The following CCDC30 variants were observed in gnomAD, a reference collection of about 807,000 sequenced individuals.
The protein encoded by CCDC30 is coiled-coil domain containing 30, also known as coiled-coil domain-containing protein 30.
CCDC30 carries 70 observed loss-of-function variants against 100.2 expected under a neutral mutation model. That is an observed-to-expected ratio of 0.70 (90% CI 0.58 to 0.85). The LOEUF (loss-of-function observed/expected upper bound fraction) is 0.85. Among genes scored for constraint, CCDC30 ranks in the 40% least tolerant of loss-of-function variants. The probability of loss-of-function intolerance (pLI) is 0.00; values close to 1 mark genes in which losing one functional copy is unlikely to be tolerated. For synonymous variants in CCDC30, 233 were observed against 269.5 expected (o/e 0.86, Z 1.33); for missense variants, 652 against 771.2 (o/e 0.85, Z 1.83).
intron 1 of CCDC30, among the ~76,000 whole-genome samples, chr1:42,471,458 GTT>G (rs1278762285): frequency 6.6e-6 from 1 of 152,170 alleles, no homozygotes; most frequent in African/African-American, 2.4e-5. Context: ...TGTGTCTGGT[GTT>G]TACATAGTTA....
chr1:42,537,562 A>C (rs1185573489), intron 6 of CCDC30: 14 of 329,372 alleles, frequency 4.3e-5, no homozygotes, highest in Non-Finnish European at 7.1e-5. Flanking sequence ...CTCCTGAAGT[A>C]AATTTTATGT....
At chr1:42,536,171 T>G (rs113175220) in intron 6 of CCDC30, among the ~76,000 whole-genome samples, 4,357 of 152,174 alleles carry the variant, frequency 0.029, 218 homozygotes, top group African/African-American at 0.099. Context: ...TTCAAATAAT[T>G]TGGAAAGATT....
intron 8 of CCDC30, among the ~76,000 whole-genome samples, chr1:42,579,638 AAG>A (rs1323363878): frequency 6.6e-6 from 1 of 151,232 alleles, no homozygotes; most frequent in Non-Finnish European, 1.5e-5. Flanking sequence ...CTGTCTCAAA[AAG>A]AGAGAGAGAG....
chr1:42,461,474 T>C (rs886372870), upstream of CCDC30, among the ~76,000 whole-genome samples: 1 of 151,974 alleles, frequency 6.6e-6, no homozygotes, highest in African/African-American at 2.4e-5. Flanking sequence ...CAGCTGAGAC[T>C]ACAGGTGTGT....
intron 7 of CCDC30, among the ~76,000 whole-genome samples, chr1:42,576,333 G>GA (rs1299628160): frequency 6.6e-6 from 1 of 152,198 alleles, no homozygotes; most frequent in Non-Finnish European, 1.5e-5. Context: ...TGTGCTAAAT[G>GA]ATTGGAATTG....
intron 11 of CCDC30, among the ~76,000 whole-genome samples, chr1:42,636,263 A>T (rs574498200): frequency 7.2e-5 from 11 of 152,162 alleles, no homozygotes; most frequent in Admixed American, 2.6e-4. Flanking sequence ...ACAAAAAATT[A>T]AAAAAATTAA....
chr1:42,464,806 G>A (rs1486530232), intron 1 of CCDC30, among the ~76,000 whole-genome samples: 1 of 152,302 alleles, frequency 6.6e-6, no homozygotes, highest in Non-Finnish European at 1.5e-5. Flanking sequence ...ATTTTAAACA[G>A]CTATTTGGGG....
intron 6 of CCDC30, chr1:42,537,438 C>A (rs1009108408): frequency 2.8e-6 from 1 of 358,494 alleles, no homozygotes; most frequent in African/African-American, 2.2e-5. Context: ...TACCCTCTTC[C>A]TGTGGTTTTG....
At chr1:42,586,506 TG>T (rs1279789880) in intron 9 of CCDC30, among the ~76,000 whole-genome samples, 1 of 152,064 alleles carries the variant, frequency 6.6e-6, no homozygotes, top group Non-Finnish European at 1.5e-5. Flanking sequence ...GATCTCCCTA[TG>T]TTGCTCAGGT....
chr1:42,520,734 G>C (rs1258163300), intron 6 of CCDC30, among the ~76,000 whole-genome samples: 1 of 139,146 alleles, frequency 7.2e-6, no homozygotes, highest in Non-Finnish European at 1.5e-5. Context: ...TCTGCCTCCT[G>C]GGTTCATGCC....
At chr1:42,635,891 T>C (rs6600418) in intron 11 of CCDC30, among the ~76,000 whole-genome samples, 94,428 of 151,884 alleles carry the variant, frequency 0.62, 29,725 homozygotes, top group African/African-American at 0.7. Flanking sequence ...TACTATTTTA[T>C]ATTCCTGCCT....
At chr1:42,501,604 T>G (rs2148479966) in intron 6 of CCDC30, among the ~76,000 whole-genome samples, 1 of 152,318 alleles carries the variant, frequency 6.6e-6, no homozygotes, top group East Asian at 1.9e-4. Context: ...CTTTGGTCTT[T>G]GATGATGGTG....
chr1:42,644,778 A>G, exon 14 of CCDC30: 1 of 1,611,994 alleles, frequency 6.2e-7, no homozygotes, highest in Non-Finnish European at 8.5e-7. Flanking sequence ...AGAGCGAATT[A>G]TAAGGAGCAT....
chr1:42,544,427 C>T (rs1380625221), intron 6 of CCDC30, among the ~76,000 whole-genome samples: 1 of 152,226 alleles, frequency 6.6e-6, no homozygotes, highest in Non-Finnish European at 1.5e-5. Flanking sequence ...GTACAGATTT[C>T]CATTTCCGCC....
chr1:42,576,741 C>T (rs1168625691), intron 7 of CCDC30, among the ~76,000 whole-genome samples: 4 of 152,162 alleles, frequency 2.6e-5, no homozygotes, highest in Non-Finnish European at 5.9e-5. Flanking sequence ...GAAAGTTTCA[C>T]TGGAGTAGTG....
At chr1:42,459,796 T>C (rs1390154667), upstream of CCDC30, 1 of 1,614,172 alleles carries the variant, frequency 6.2e-7, no homozygotes, top group Admixed American at 1.7e-5. Flanking sequence ...TTTGTGTTTA[T>C]TGTAACCAAA....
intron 3 of CCDC30, among the ~76,000 whole-genome samples, chr1:42,488,135 T>C (rs1230282372): frequency 6.6e-6 from 1 of 152,058 alleles, no homozygotes; most frequent in Non-Finnish European, 1.5e-5. Flanking sequence ...TTTGAAATCT[T>C]CCATAAGTAA....
intron 7 of CCDC30, among the ~76,000 whole-genome samples, chr1:42,572,222 G>A (rs534586446): frequency 6.6e-6 from 1 of 152,202 alleles, no homozygotes; most frequent in Non-Finnish European, 1.5e-5. Flanking sequence ...TACGTGTATA[G>A]CAGTAGTTCC....
chr1:42,461,402 C>T (rs1055347206), upstream of CCDC30, among the ~76,000 whole-genome samples: 2 of 152,268 alleles, frequency 1.3e-5, no homozygotes, highest in Non-Finnish European at 2.9e-5. Context: ...GTGGTCCAAT[C>T]ATGGTTCACT....
Sources: allele counts gnomAD v4.1 joint callset (sites outside exome capture counted in the v4.1 genomes callset), GRCh38; gene constraint gnomAD v4.1.1; transcripts MANE v1.5; gene names NCBI Gene and HGNC (gene_info 2026-07-23, HGNC 2026-07-21).